RELN: variants seen among roughly 807,000 people sequenced by gnomAD.
RELN encodes reelin.
Under a neutral mutation model 427.6 loss-of-function variants are expected in RELN, and 108 were observed. That is an observed-to-expected ratio of 0.25 (90% CI 0.22 to 0.30). The LOEUF (loss-of-function observed/expected upper bound fraction) is 0.30, where lower values mean the gene tolerates loss of function less well. RELN is among the 10% of genes least tolerant of loss of function. The pLI is 1.00. For missense variants in RELN, 3,715 were observed against 4,302.8 expected (o/e 0.86, Z 3.82); for synonymous variants, 1,524 against 1,513.4 (o/e 1.01, Z -0.16).
rs138241126 is a variant in RELN, at chr7:103,515,219, G to A, written c.8085C>T (p.Ile2695=). Reference sequence around the variant, plus strand: ...TGTCTTCCATAAACATGTCAAAGGCGATCCTCCCGACAGGGCCGGCATCTG... The same window carrying A: ...TGTCTTCCATAAACATGTCAAAGGCAATCCTCCCGACAGGGCCGGCATCTG... ...SPADAGPVGR[I]AFDMFMEDKT... is the part of the protein sequence containing the mutation. Residue 2695 remains isoleucine (I), a synonymous_variant, in exon 50 of 65, where the codon ATC becomes ATT. Transcript: ENST00000428762. 2.8e-5 allele frequency: 45 copies of A among 1,614,046 alleles called. No individual in the cohort carries two copies. The highest frequency in any genetic ancestry group is 3.6e-5 in the Non-Finnish European group (43 of 1,180,046).
At chr7:103,687,779 C>T (rs1461984684) in intron 10 of RELN, among the ~76,000 whole-genome samples, 1 of 152,032 alleles carries the variant, frequency 6.6e-6, no homozygotes, top group South Asian at 2.1e-4. Flanking sequence ...ATAAATAAGG[C>T]AAAAGATGCA....
chr7:103,596,405 AC>A (rs776442838), intron 25 of RELN, 50 bp downstream of exon 25: 11 of 1,475,088 alleles, frequency 7.5e-6, no homozygotes, highest in Non-Finnish European at 1.0e-5. Flanking sequence ...CAATGATTTA[AC>A]CTTTACCATT....
chr7:103,608,538 A>G (rs1413191260), intron 22 of RELN, among the ~76,000 whole-genome samples: 1 of 152,194 alleles, frequency 6.6e-6, no homozygotes, highest in African/African-American at 2.4e-5. Context: ...CATAATATTA[A>G]CTATTTATTA....
intron 60 of RELN, among the ~76,000 whole-genome samples, chr7:103,488,488 G>C (rs1020082281): frequency 6.6e-6 from 1 of 152,168 alleles, no homozygotes; most frequent in East Asian, 1.9e-4. Flanking sequence ...AGGGGAGAAA[G>C]GAAATGGCTA....
intron 2 of RELN, among the ~76,000 whole-genome samples, chr7:103,853,589 T>C (rs1018035560): frequency 1.3e-5 from 2 of 152,044 alleles, no homozygotes; most frequent in African/African-American, 4.8e-5. Flanking sequence ...TATTTTTAAA[T>C]TTGGAATTAT....
At chr7:103,987,486 C>G (rs774059397) in intron 1 of RELN, among the ~76,000 whole-genome samples, 11 of 152,096 alleles carry the variant, frequency 7.2e-5, no homozygotes, top group Non-Finnish European at 1.5e-4. Context: ...ATGTGGAAAA[C>G]AGAAAAAATA....
Position 103,630,861 on chromosome 7 carries a change from T to TTTG in RELN, c.2466-686_2466-685insCAA, listed in dbSNP as rs1346343599. On this transcript the variant is annotated intron_variant, in intron 19 of 64. Transcript: ENST00000428762. ...CTGAGTTATTTTTTTGTTTTTTTTGTTTTTTTTTTTTTTGTTTTTTAACTA... is the reference window on the plus strand; with the variant it reads ...CTGAGTTATTTTTTTGTTTTTTTTGTTTGTTTTTTTTTTTTTGTTTTTTAACTA... Among the ~76,000 whole-genome samples, 16 of 37,088 alleles carry TTTG rather than the reference T, an allele frequency of 4.3e-4. 1 individual carries two copies. The highest frequency in any genetic ancestry group is 8.2e-4 in the Non-Finnish European group (13 of 15,868). 24.3% of individuals were successfully genotyped at this position (37,088 alleles called of 152,430 possible).
intron 1 of RELN, among the ~76,000 whole-genome samples, chr7:103,955,276 T>G (rs928091633): frequency 1.3e-5 from 2 of 152,214 alleles, no homozygotes; most frequent in African/African-American, 4.8e-5. Flanking sequence ...TACAAAATGT[T>G]TCTCAGCTCA....
intron 1 of RELN, among the ~76,000 whole-genome samples, chr7:103,955,005 A>G (rs746531013): frequency 6.6e-6 from 1 of 152,240 alleles, no homozygotes; most frequent in African/African-American, 2.4e-5. Flanking sequence ...GGTTTTAGCT[A>G]ATGCCAGATC....
chr7:103,964,062 G>A (rs893401489), intron 1 of RELN, among the ~76,000 whole-genome samples: 4 of 152,252 alleles, frequency 2.6e-5, no homozygotes, highest in Admixed American at 1.3e-4. Flanking sequence ...GAGAGGCTAA[G>A]GCAGGAGGAT....
At chr7:103,769,974 C>G (rs76606286) in intron 4 of RELN, among the ~76,000 whole-genome samples, 2,219 of 152,274 alleles carry the variant, frequency 0.015, 63 homozygotes, top group African/African-American at 0.051. Flanking sequence ...GATACCTACC[C>G]ACAGAATTGT....
At chr7:103,981,048 T>G (rs1161010836) in intron 1 of RELN, among the ~76,000 whole-genome samples, 1 of 152,226 alleles carries the variant, frequency 6.6e-6, no homozygotes, top group Non-Finnish European at 1.5e-5. Flanking sequence ...GATTACATGT[T>G]CCTGAAGGTA....
In RELN at chr7:103,650,520, T is replaced by C. The variant is rs192928814; in HGVS notation, c.1893-137A>G. The C allele has an allele frequency of 3.0e-3, 2,139 of 716,836 alleles. 15 individuals carry two copies. Among genetic ancestry groups the C allele is most frequent in the Middle Eastern group, 0.013 (51 of 4,004 alleles). The allele number at this position is 716,836 out of a possible 1,614,324, so 44.4% of individuals were successfully genotyped here. A position where few individuals can be genotyped will look rare whatever the true frequency, so the allele number is the denominator to read the frequency against. Reference sequence around the variant, plus strand: ...TTACCAATAAACTCTTTAAATTCACTTGTGGAATTTGTTTGTATCTTTAAA... The same window carrying C: ...TTACCAATAAACTCTTTAAATTCACCTGTGGAATTTGTTTGTATCTTTAAA... On this transcript the variant is annotated intron_variant, in intron 15 of 64. Transcript: ENST00000428762.
intron 11 of RELN, among the ~76,000 whole-genome samples, chr7:103,677,856 T>G (rs1833571882): frequency 6.7e-6 from 1 of 149,552 alleles, no homozygotes; most frequent in Non-Finnish European, 1.5e-5. Context: ...GATTCCTTCG[T>G]GCAGCATCCA....
chr7:103,733,989 C>T (rs1252575055), intron 6 of RELN, among the ~76,000 whole-genome samples: 1 of 152,132 alleles, frequency 6.6e-6, no homozygotes, highest in African/African-American at 2.4e-5. Context: ...AAATTCTACT[C>T]TTCCTTTATG....
At chr7:103,555,146 A>G (rs1183998632) in intron 38 of RELN, among the ~76,000 whole-genome samples, 1 of 152,268 alleles carries the variant, frequency 6.6e-6, no homozygotes, top group Non-Finnish European at 1.5e-5. Flanking sequence ...TGTTTAAGGA[A>G]TATGTTAGAG....
At chr7:103,844,248 A>T (rs987419915) in intron 2 of RELN, among the ~76,000 whole-genome samples, 1 of 152,214 alleles carries the variant, frequency 6.6e-6, no homozygotes, top group African/African-American at 2.4e-5. Context: ...AGGTCCTAAA[A>T]GCTACCTCCA....
intron 12 of RELN, 79 bp from the exon 13 acceptor site, chr7:103,654,284 A>G: frequency 3.8e-6 from 3 of 792,638 alleles, no homozygotes; most frequent in Non-Finnish European, 6.8e-6. Flanking sequence ...AAATTTCAGA[A>G]TGAAAAATCA....
chr7:103,834,787 T>C (rs1793359988), intron 2 of RELN, among the ~76,000 whole-genome samples: 1 of 152,176 alleles, frequency 6.6e-6, no homozygotes, highest in African/African-American at 2.4e-5. Flanking sequence ...AAATCCGGAA[T>C]ACTGATACCA....
Sources: allele counts gnomAD v4.1 joint callset (sites outside exome capture counted in the v4.1 genomes callset), GRCh38; gene constraint gnomAD v4.1.1; transcripts MANE v1.5; gene names NCBI Gene and HGNC (gene_info 2026-07-23, HGNC 2026-07-21).